The following SLC4A4 variants were observed in gnomAD, a reference collection of about 807,000 sequenced individuals.
SLC4A4 encodes solute carrier family 4 member 4, also known as electrogenic sodium bicarbonate cotransporter 1.
SLC4A4 carries 27 observed loss-of-function variants against 111.5 expected under a neutral mutation model. The observed-to-expected ratio is 0.24, with a 90% CI of 0.18 to 0.33. The LOEUF is 0.33. Among genes scored for constraint, SLC4A4 ranks in the 10% least tolerant of loss-of-function variants. The pLI is 1.00. For missense variants in SLC4A4, 909 were observed against 1,315.5 expected (o/e 0.69, Z 4.78); for synonymous variants, 443 against 463.4 (o/e 0.96, Z 0.57).
chr4:71,181,435 T>C (rs893680247), intron 2 of SLC4A4, among the ~76,000 whole-genome samples: 4 of 152,140 alleles, frequency 2.6e-5, no homozygotes, highest in Non-Finnish European at 5.9e-5. Flanking sequence ...CTAGTTCCCC[T>C]TCCTGGAAGC....
At chr4:71,238,701 T>G (rs922251315) in intron 2 of SLC4A4, among the ~76,000 whole-genome samples, 1 of 152,214 alleles carries the variant, frequency 6.6e-6, no homozygotes, top group African/African-American at 2.4e-5. Flanking sequence ...GCTGACTGTC[T>G]TACAGTACTA....
At chr4:71,095,365 G>C (rs1299329074) in intron 2 of SLC4A4, among the ~76,000 whole-genome samples, 1 of 152,228 alleles carries the variant, frequency 6.6e-6, no homozygotes, top group Admixed American at 6.5e-5. Context: ...GGACAGCCAA[G>C]ACAACAAATG....
At chr4:71,292,833 G>GTTTTTTTTTTTTTTTT (rs1210782035) in intron 3 of SLC4A4, among the ~76,000 whole-genome samples, 1 of 133,386 alleles carries the variant, frequency 7.5e-6, no homozygotes, top group African/African-American at 3.0e-5. Context: ...CTTACTTTTG[G>GTTTTTTTTTTTTTTTT]TTTTTTTTGT....
At chr4:71,085,979 A>G (rs373794805) in intron 1 of SLC4A4, among the ~76,000 whole-genome samples, 7 of 152,024 alleles carry the variant, frequency 4.6e-5, no homozygotes, top group South Asian at 4.1e-4. Flanking sequence ...CATTGAATCT[A>G]TAAATGACCT....
At chr4:71,185,231 T>G (rs1745412144), upstream of SLC4A4, among the ~76,000 whole-genome samples, 1 of 152,234 alleles carries the variant, frequency 6.6e-6, no homozygotes, top group African/African-American at 2.4e-5. Flanking sequence ...AATGAGAAAT[T>G]GCCAGCTATG....
chr4:71,151,242 T>C (rs562072720), intron 2 of SLC4A4, among the ~76,000 whole-genome samples: 1 of 152,336 alleles, frequency 6.6e-6, no homozygotes, highest in Admixed American at 6.5e-5. Context: ...ATGACTAACA[T>C]TTGTTGTGTG....
intron 3 of SLC4A4, among the ~76,000 whole-genome samples, chr4:71,270,365 C>T (rs1032167083): frequency 2.6e-5 from 4 of 152,224 alleles, no homozygotes; most frequent in Non-Finnish European, 4.4e-5. Flanking sequence ...GCTGGGATTA[C>T]AGGCATGAGC....
rs138390265 is a variant in SLC4A4 at position 71,391,672 on chromosome 4, A to C, written c.731-5905A>C. On this transcript the variant is annotated intron_variant, in intron 6 of 25. Coordinates refer to ENST00000264485, the MANE Select transcript of SLC4A4 (RefSeq NM_001098484.3). ...TTTCTTATGGCCAGAAAATAGTGAT[A>C]TGGAAATTAATTATGATTATGCACT... 7.5e-3 allele frequency among the ~76,000 whole-genome samples: 1,145 copies of C among 152,178 alleles called. 9 individuals carry two copies. Among genetic ancestry groups the C allele is most frequent in the Non-Finnish European group, 0.012 (806 of 67,962 alleles).
chr4:71,322,144 C>CT (rs950349307), intron 3 of SLC4A4, among the ~76,000 whole-genome samples: 11 of 151,794 alleles, frequency 7.2e-5, no homozygotes, highest in African/African-American at 2.4e-5. Context: ...GGAATGTCAC[C>CT]TTTTTTCAAA....
intron 6 of SLC4A4, among the ~76,000 whole-genome samples, chr4:71,365,813 T>G (rs1387198599): frequency 6.6e-6 from 1 of 152,206 alleles, no homozygotes; most frequent in Admixed American, 6.5e-5. Flanking sequence ...GTAGCTCTAA[T>G]GTATATATCA....
intron 22 of SLC4A4, among the ~76,000 whole-genome samples, chr4:71,559,625 A>G (rs1337737502): frequency 2.0e-5 from 3 of 151,866 alleles, no homozygotes; most frequent in African/African-American, 4.8e-5. Flanking sequence ...ATATTCAAAT[A>G]CTACCTCATT....
intron 3 of SLC4A4, chr4:71,339,166 A>G: frequency 6.2e-7 from 1 of 1,613,630 alleles, no homozygotes; most frequent in Admixed American, 1.7e-5. Flanking sequence ...GAACCAAGAT[A>G]CAGTTCAGAA....
rs547526120 is a variant in SLC4A4, at chr4:71,280,655, G to A, written c.253+25256G>A. 1.6e-3 allele frequency among the ~76,000 whole-genome samples: 245 copies of A among 152,192 alleles called. 2 individuals are homozygous for A. Among genetic ancestry groups the A allele is most frequent in the African/African-American group, 5.8e-3 (239 of 41,538 alleles). On this transcript the variant is annotated intron_variant, in intron 3 of 25. Transcript: ENST00000264485. ...TTAAAGTGTCTTTCACAGAGCAGAA[G>A]TTTTAAGTTTTGGTGAAGTCTAGTT...
intron 2 of SLC4A4, among the ~76,000 whole-genome samples, chr4:71,133,586 G>T (rs1743766129): frequency 6.6e-6 from 1 of 152,198 alleles, no homozygotes; most frequent in African/African-American, 2.4e-5. Context: ...TTCCTCCAGA[G>T]TGCAAACGCA....
At chr4:71,280,991 T>A (rs548959552) in intron 3 of SLC4A4, among the ~76,000 whole-genome samples, 14 of 152,304 alleles carry the variant, frequency 9.2e-5, no homozygotes, top group African/African-American at 3.4e-4. Flanking sequence ...AAGTGGTCAC[T>A]GCAAAGAAAT....
Position 71,486,091 on chromosome 4 carries a change from A to G in SLC4A4, c.1904-857A>G, listed in dbSNP as rs143201427. ...ATTCAGATGTTAAATAAACTATGGG[A>G]CCCTAAACAAACAAACAAATAATTA... is the stretch of plus-strand genomic sequence containing the variant. On this transcript the variant is annotated intron_variant, in intron 14 of 25. Transcript: ENST00000264485. Among the ~76,000 whole-genome samples the G allele has an allele frequency of 9.8e-4, 148 of 151,584 alleles. 1 individual carries two copies. Among genetic ancestry groups the G allele is most frequent in the African/African-American group, 3.2e-3 (134 of 41,474 alleles).
At chr4:71,455,948 A>C (rs1338178885) in intron 12 of SLC4A4, among the ~76,000 whole-genome samples, 2 of 152,084 alleles carry the variant, frequency 1.3e-5, no homozygotes, top group Non-Finnish European at 2.9e-5. Flanking sequence ...CTCCTATGTG[A>C]TATATGACCT....
chr4:71,209,920 CTGTT>C (rs1256140071), intron 1 of SLC4A4, among the ~76,000 whole-genome samples: 3 of 152,196 alleles, frequency 2.0e-5, no homozygotes, highest in African/African-American at 7.2e-5. Context: ...TTTGGAGGGA[CTGTT>C]CCAGTGCTTT....
chr4:71,214,564 G>A (rs1243916979), intron 1 of SLC4A4, among the ~76,000 whole-genome samples: 2 of 152,034 alleles, frequency 1.3e-5, no homozygotes, highest in African/African-American at 4.8e-5. Context: ...TTACTCTTGC[G>A]GGCTTTTGAT....
Sources: allele counts gnomAD v4.1 joint callset (sites outside exome capture counted in the v4.1 genomes callset), GRCh38; gene constraint gnomAD v4.1.1; transcripts MANE v1.5; gene names NCBI Gene and HGNC (gene_info 2026-07-23, HGNC 2026-07-21).